The following HECA variants were observed in gnomAD, a reference collection of about 807,000 sequenced individuals.
HECA encodes HECA ribonucleoprotein granule regulator.
In HECA, 13 loss-of-function variants were observed where a neutral mutation model predicts 37.6. That is an observed-to-expected ratio of 0.35 (90% CI 0.23 to 0.55). HECA has a LOEUF of 0.55. HECA is among the 20% of genes least tolerant of loss of function. HECA has a pLI of 0.90. For synonymous variants in HECA, 307 were observed against 291.5 expected, an observed-to-expected ratio of 1.05 and a Z score of -0.54; for missense variants, 527 against 701.9, an observed-to-expected ratio of 0.75 and a Z score of 2.82.
Position 139,135,622 on chromosome 6 carries a change from G to C in HECA, c.226G>C (p.Ala76Pro). 1.0e-6 allele frequency: 1 copy of C among 956,982 alleles called. No individual in the cohort carries two copies. The highest frequency in any genetic ancestry group is 1.2e-6 in the Non-Finnish European group (1 of 807,372). The allele number at this position is 956,982 out of a possible 1,614,324, so 59.3% of individuals were successfully genotyped here. A position where few individuals can be genotyped will look rare whatever the true frequency, so the allele number is the denominator to read the frequency against. Residue 76 changes from alanine to proline, a missense_variant, in exon 1 of 4, where the codon GCT (alanine) becomes CCT (proline). Physicochemically the swap from Ala to Pro is conservative, Grantham distance 27 (BLOSUM62 -1). Coordinates refer to ENST00000367658, the MANE Select transcript of HECA (RefSeq NM_016217.3). ...AGGCGCGGGGACTGGCGCCGCGAACGCTGCGGCCGCCGCGGGGGCTGCGGC... is the reference window on the plus strand; with the variant it reads ...AGGCGCGGGGACTGGCGCCGCGAACCCTGCGGCCGCCGCGGGGGCTGCGGC... Reference protein sequence around the residue: ...AGGAGTGAANAAAAAGAAAAG... With the variant: ...AGGAGTGAANPAAAAGAAAAG...
intron 3 of HECA, among the ~76,000 whole-genome samples, chr6:139,175,102 T>C (rs1490251441): frequency 6.6e-6 from 1 of 152,220 alleles, no homozygotes; most frequent in Non-Finnish European, 1.5e-5. Context: ...AAGGAGGCAT[T>C]GTCTCATGCT....
At chr6:139,163,982 G>A (rs1774844201) in intron 1 of HECA, among the ~76,000 whole-genome samples, 1 of 152,030 alleles carries the variant, frequency 6.6e-6, no homozygotes, top group Non-Finnish European at 1.5e-5. Context: ...AAATAGGGCA[G>A]CCCTAAGTCT....
intron 2 of HECA, among the ~76,000 whole-genome samples, chr6:139,172,206 A>G (rs1401553960): frequency 6.6e-6 from 1 of 152,050 alleles, no homozygotes; most frequent in African/African-American, 2.4e-5. Context: ...TCAAATGATC[A>G]TCCCATTTCA....
intron 1 of HECA, among the ~76,000 whole-genome samples, chr6:139,155,059 G>C (rs1403174583): frequency 6.6e-6 from 1 of 152,136 alleles, no homozygotes; most frequent in Non-Finnish European, 1.5e-5. Context: ...GTGTCATTTG[G>C]CGATTTCATC....
intron 1 of HECA, among the ~76,000 whole-genome samples, chr6:139,157,567 C>T (rs998885888): frequency 1.3e-5 from 2 of 152,224 alleles, no homozygotes; most frequent in African/African-American, 4.8e-5. Flanking sequence ...AGTGAATTAT[C>T]TTATGCATGC....
rs1329195403 is a variant in HECA at position 139,173,295 on chromosome 6, G to C, written c.1313-1090G>C. 2.0e-5 allele frequency among the ~76,000 whole-genome samples: 3 copies of C among 152,142 alleles called. No individual in the cohort carries two copies. The East Asian group carries it at 5.8e-4, about 29-fold the overall frequency. ...CATTTACCCAACATACACTTATAAA[G>C]TGCTTTCCACATCCCAGACACTGTG... is the stretch of plus-strand genomic sequence containing the variant. On this transcript the variant is annotated intron_variant, in intron 2 of 3. Transcript: ENST00000367658.
At chr6:139,171,194 C>A (rs781496301) in intron 2 of HECA, among the ~76,000 whole-genome samples, 2 of 151,320 alleles carry the variant, frequency 1.3e-5, no homozygotes, top group Non-Finnish European at 2.9e-5. Context: ...TGGTTAAAAT[C>A]CTAAGGGTGG....
At chr6:139,163,848 G>A (rs1774842246) in intron 1 of HECA, among the ~76,000 whole-genome samples, 1 of 152,074 alleles carries the variant, frequency 6.6e-6, no homozygotes. Flanking sequence ...CTAGGGATTT[G>A]ACCTTCATCT....
At chr6:139,160,092 A>T (rs1320366692) in intron 1 of HECA, among the ~76,000 whole-genome samples, 1 of 152,162 alleles carries the variant, frequency 6.6e-6, no homozygotes, top group Non-Finnish European at 1.5e-5. Context: ...GGCCCAGGTG[A>T]CTGCAGCCTA....
chr6:139,142,925 C>T (rs9495356), intron 1 of HECA, among the ~76,000 whole-genome samples: 101,793 of 152,086 alleles, frequency 0.67, 35,058 homozygotes, highest in African/African-American at 0.79. Flanking sequence ...TCCAGCCTGG[C>T]GACAGAATGA....
rs1159490576 is a variant in HECA at position 139,167,068 on chromosome 6, C to T, written c.1056C>T (p.Leu352=). Residue 352 remains leucine (L), a synonymous_variant, in exon 2 of 4, where the codon CTC becomes CTT. Coordinates refer to ENST00000367658, the MANE Select transcript of HECA (RefSeq NM_016217.3). The part of the protein sequence containing the change: ...QFLRRLDLSE[L]LTHIPRHKLN... ...TTCGGCGGCTGGACCTCTCCGAACT[C>T]CTCACTCACATCCCCAGGCATAAGC... 5 of 1,614,078 alleles carry T rather than the reference C, an allele frequency of 3.1e-6. No homozygotes were observed. In the Admixed American group the frequency reaches 8.3e-5, roughly 27 times the overall value.
chr6:139,144,655 A>AG (rs1774557582), intron 1 of HECA: 1 of 152,336 alleles, frequency 6.6e-6, no homozygotes, highest in Non-Finnish European at 1.5e-5. Flanking sequence ...GAATTTGAAA[A>AG]GGGGGTAATC....
chr6:139,163,782 T>A (rs1303492569), intron 1 of HECA, among the ~76,000 whole-genome samples: 3 of 152,186 alleles, frequency 2.0e-5, no homozygotes, highest in Non-Finnish European at 4.4e-5. Context: ...AGGATTCTTT[T>A]CCTGGCCTCT....
rs1775099456 is a variant in HECA at position 139,179,215 on chromosome 6, G to A, written c.*2110G>A. ...TGTACCCAGATGCAAAAAGTGCTAA[G>A]TTTCTCTTGTCCTCGTAATACCATT... On this transcript the variant is annotated 3_prime_UTR_variant, in exon 4 of 4. Transcript: ENST00000367658. The A allele has an allele frequency of 6.6e-6, 1 of 152,182 alleles. No individual in the cohort carries two copies. The highest frequency in any genetic ancestry group is 6.5e-5 in the Admixed American group (1 of 15,276). The allele number at this position is 152,182 out of a possible 1,614,324, so 9.4% of individuals were successfully genotyped here.
chr6:139,135,629 C>G lies in HECA; in HGVS notation c.233C>G (p.Ala78Gly). The G allele has an allele frequency of 4.1e-6, 4 of 967,602 alleles. No homozygotes were observed. Among genetic ancestry groups the G allele is most frequent in the Non-Finnish European group, 4.9e-6 (4 of 815,744 alleles). 59.9% of individuals were successfully genotyped at this position (967,602 alleles called of 1,614,324 possible). The change falls in exon 1 of 4, where the codon GCC (alanine) becomes GGC (glycine). Residue 78 changes from alanine to glycine, a missense_variant. Transcript: ENST00000367658. ...GAGTGAANAA[A>G]AAGAAAAGDA... is the part of the protein sequence containing the mutation. ...GGGACTGGCGCCGCGAACGCTGCGGCCGCCGCGGGGGCTGCGGCCGCGGGC... is the reference window on the plus strand; with the variant it reads ...GGGACTGGCGCCGCGAACGCTGCGGGCGCCGCGGGGGCTGCGGCCGCGGGC...
At chr6:139,137,015 G>C (rs1324695471) in intron 1 of HECA, among the ~76,000 whole-genome samples, 1 of 152,206 alleles carries the variant, frequency 6.6e-6, no homozygotes, top group Non-Finnish European at 1.5e-5. Context: ...AATGTCGCCT[G>C]TTAGAACTGT....
intron 1 of HECA, among the ~76,000 whole-genome samples, chr6:139,146,606 G>A (rs144734674): frequency 3.3e-5 from 5 of 152,268 alleles, no homozygotes; most frequent in South Asian, 2.1e-4. Flanking sequence ...ATCTGAGAGC[G>A]GGAGCCTGAG....
At chr6:139,153,421 G>A (rs1245085419) in intron 1 of HECA, among the ~76,000 whole-genome samples, 7 of 151,314 alleles carry the variant, frequency 4.6e-5, no homozygotes, top group Non-Finnish European at 2.9e-5. Flanking sequence ...AAAAAATAAT[G>A]TAATTTTTTT....
intron 1 of HECA, among the ~76,000 whole-genome samples, chr6:139,142,656 A>G (rs777394162): frequency 6.6e-5 from 10 of 152,120 alleles, no homozygotes; most frequent in Non-Finnish European, 1.0e-4. Flanking sequence ...TTTAAAAAGT[A>G]GTAATGGTGG....
Sources: gnomAD v4.1 joint callset for allele counts (sites outside exome capture counted in the v4.1 genomes callset) on GRCh38, gnomAD v4.1.1 for gene constraint, MANE v1.5 for transcripts, NCBI Gene and HGNC (gene_info 2026-07-23, HGNC 2026-07-21) for gene names.